The following RALGPS2 variants were observed in gnomAD, a reference collection of about 807,000 sequenced individuals.
RALGPS2 encodes Ral GEF with PH domain and SH3 binding motif 2.
In RALGPS2, 43 loss-of-function variants were observed where a neutral mutation model predicts 86.8. The ratio of observed to expected loss-of-function variants is 0.50; its 90% CI spans 0.39 to 0.64. The LOEUF (loss-of-function observed/expected upper bound fraction) is 0.64, where lower values mean the gene tolerates loss of function less well. RALGPS2 is among the 30% of genes least tolerant of loss of function. RALGPS2 has a pLI of 0.00. For synonymous variants in RALGPS2, 243 were observed against 231.3 expected (o/e 1.05, Z -0.46); for missense variants, 536 against 694.6 (o/e 0.77, Z 2.57).
At chr1:178,747,000 A>C (rs947360207) in intron 1 of RALGPS2, 24 of 927,134 alleles carry the variant, frequency 2.6e-5, no homozygotes, top group Non-Finnish European at 4.1e-5. Context: ...GTATACTAGA[A>C]TCTCCCTTTA....
intron 8 of RALGPS2, among the ~76,000 whole-genome samples, chr1:178,866,937 G>A (rs879898053): frequency 2.6e-5 from 4 of 152,096 alleles, no homozygotes; most frequent in Non-Finnish European, 5.9e-5. Context: ...AGTAGCAGAA[G>A]TAGAATGGGT....
At chr1:178,764,945 G>A (rs1213836747) in intron 1 of RALGPS2, among the ~76,000 whole-genome samples, 2 of 152,048 alleles carry the variant, frequency 1.3e-5, no homozygotes, top group Non-Finnish European at 2.9e-5. Flanking sequence ...GTTCTCATGA[G>A]ATCTGGTTGT....
At chr1:178,748,805 T>G (rs546403731) in intron 1 of RALGPS2, among the ~76,000 whole-genome samples, 2 of 144,830 alleles carry the variant, frequency 1.4e-5, no homozygotes, top group Non-Finnish European at 1.5e-5. Context: ...GAGCCGAGAT[T>G]GCGCCACTGC....
chr1:178,747,475 T>C, intron 1 of RALGPS2: 1 of 1,603,658 alleles, frequency 6.2e-7, no homozygotes, highest in Non-Finnish European at 8.5e-7. Context: ...GCCAGTACTG[T>C]GCACATTTAA....
intron 4 of RALGPS2, among the ~76,000 whole-genome samples, chr1:178,786,164 G>C (rs538281114): frequency 6.6e-6 from 1 of 152,080 alleles, no homozygotes; most frequent in Non-Finnish European, 1.5e-5. Flanking sequence ...AAGGGTGGTA[G>C]AGGTGGAAGA....
chr1:178,737,945 T>C (rs1027242338), intron 1 of RALGPS2, among the ~76,000 whole-genome samples: 1 of 151,814 alleles, frequency 6.6e-6, no homozygotes, highest in Admixed American at 6.6e-5. Context: ...CCCTGGCTAA[T>C]TTTTTTGTTT....
At chr1:178,755,835 A>G (rs998476898) in intron 1 of RALGPS2, among the ~76,000 whole-genome samples, 4 of 152,160 alleles carry the variant, frequency 2.6e-5, no homozygotes, top group African/African-American at 9.7e-5. Context: ...TTTTCTCCAT[A>G]GCCTCCAACA....
chr1:178,886,937 G>A (rs1659513908), intron 13 of RALGPS2, among the ~76,000 whole-genome samples: 1 of 152,166 alleles, frequency 6.6e-6, no homozygotes, highest in Admixed American at 6.6e-5. Flanking sequence ...TGGTGACCTT[G>A]ATAAGAGTTG....
chr1:178,798,699 C>G (rs1485100944), intron 4 of RALGPS2, among the ~76,000 whole-genome samples: 1 of 151,962 alleles, frequency 6.6e-6, no homozygotes, highest in East Asian at 1.9e-4. Context: ...GTATGGAAAC[C>G]CCACACGTTT....
chr1:178,883,951 T>C (rs1659368338), intron 11 of RALGPS2, among the ~76,000 whole-genome samples: 3 of 151,922 alleles, frequency 2.0e-5, no homozygotes, highest in African/African-American at 7.3e-5. Context: ...ATCGTGCCAC[T>C]GCACTCCAGC....
At chr1:178,874,788 G>A (rs1658926494) in intron 8 of RALGPS2, among the ~76,000 whole-genome samples, 1 of 152,074 alleles carries the variant, frequency 6.6e-6, no homozygotes, top group South Asian at 2.1e-4. Flanking sequence ...TGTCACATGT[G>A]TTGATAATTT....
intron 1 of RALGPS2, among the ~76,000 whole-genome samples, chr1:178,775,883 C>G (rs1004752851): frequency 6.0e-5 from 9 of 148,820 alleles, no homozygotes; most frequent in African/African-American, 2.0e-4. Context: ...GGTTCTACAT[C>G]TGGATTCAAA....
chr1:178,772,676 A>T (rs973056163), intron 1 of RALGPS2, among the ~76,000 whole-genome samples: 1 of 152,254 alleles, frequency 6.6e-6, no homozygotes, highest in African/African-American at 2.4e-5. Flanking sequence ...TTACAAATGA[A>T]TCAGCCCATA....
chr1:178,821,552 T>A, intron 6 of RALGPS2, 60 bp from the exon 7 acceptor site: 1 of 1,299,728 alleles, frequency 7.7e-7, no homozygotes, highest in Non-Finnish European at 1.1e-6. Context: ...TAGTCTAAAT[T>A]TTCTTGTATT....
intron 1 of RALGPS2, among the ~76,000 whole-genome samples, chr1:178,739,308 A>G (rs1161020186): frequency 6.6e-6 from 1 of 152,186 alleles, no homozygotes; most frequent in Admixed American, 6.5e-5. Context: ...TGTTATCATA[A>G]AAGTATTGTT....
At chr1:178,754,583 A>G (rs1260898926) in intron 1 of RALGPS2, among the ~76,000 whole-genome samples, 1 of 152,172 alleles carries the variant, frequency 6.6e-6, no homozygotes, top group African/African-American at 2.4e-5. Flanking sequence ...TCATACCCTC[A>G]ACAGATGAGG....
chr1:178,892,285 C>T lies in RALGPS2; in HGVS notation c.1303C>T (p.Arg435Ter), dbSNP rs140033977. 31 of 1,612,522 alleles carry T rather than the reference C, an allele frequency of 1.9e-5. No individual in the cohort carries two copies. The Middle Eastern group carries it at 4.9e-4, about 26-fold the overall frequency. Residue 435 changes from arginine to a stop codon, truncating the protein, a stop_gained, in exon 15 of 20, where the codon CGA becomes TGA. Transcript: ENST00000367635. LOFTEE classifies it high-confidence loss of function. ...GACAAGAGTGGCACGAAATGGCTATCGAAGTCACATGAAGGCCAGCAGGTA... is the reference window on the plus strand; with the variant it reads ...GACAAGAGTGGCACGAAATGGCTATTGAAGTCACATGAAGGCCAGCAGGTA... Reference protein sequence around the residue: ...PVTRVARNGYRSHMKASSSAE... With the variant: ...PVTRVARNGY
chr1:178,787,689 T>G (rs1003609634), intron 4 of RALGPS2, among the ~76,000 whole-genome samples: 1 of 152,166 alleles, frequency 6.6e-6, no homozygotes, highest in African/African-American at 2.4e-5. Context: ...AAATAAACCT[T>G]AAAATTCCCT....
At chr1:178,822,931 A>G (rs1437402676) in intron 7 of RALGPS2, among the ~76,000 whole-genome samples, 3 of 152,154 alleles carry the variant, frequency 2.0e-5, no homozygotes, top group African/African-American at 7.2e-5. Context: ...AGGATCCTCC[A>G]GCCTCAGCCT....
Sources: gnomAD v4.1 joint callset for allele counts (sites outside exome capture counted in the v4.1 genomes callset) on GRCh38, gnomAD v4.1.1 for gene constraint, MANE v1.5 for transcripts, NCBI Gene and HGNC (gene_info 2026-07-23, HGNC 2026-07-21) for gene names.